Variants in COL13A1 observed in about 807,000 individuals in gnomAD.
COL13A1 encodes the protein collagen type XIII alpha 1 chain, also known as collagen alpha-1(XIII) chain.
In COL13A1, 89 loss-of-function variants were observed where a neutral mutation model predicts 130.9. The ratio of observed to expected loss-of-function variants is 0.68; its 90% confidence interval spans 0.57 to 0.81. The LOEUF (loss-of-function observed/expected upper bound fraction) is 0.81. Among genes scored for constraint, COL13A1 ranks in the 30% least tolerant of loss-of-function variants. The pLI, the probability that COL13A1 is intolerant of heterozygous loss-of-function variation, is 0.00. For synonymous variants in COL13A1, 402 were observed against 341.6 expected, an observed-to-expected ratio of 1.18 and a Z score of -1.95; for missense variants, 879 against 934.6, an observed-to-expected ratio of 0.94 and a Z score of 0.78.
At chr10:69,864,208 G>T (rs577592914) in intron 2 of COL13A1, among the ~76,000 whole-genome samples, 2 of 152,310 alleles carry the variant, frequency 1.3e-5, no homozygotes, top group East Asian at 3.9e-4. Context: ...TATGGAAGGG[G>T]TGATAATGCC....
intron 1 of COL13A1, among the ~76,000 whole-genome samples, chr10:69,804,802 T>G (rs1841031820): frequency 2.8e-5 from 2 of 71,350 alleles, no homozygotes; most frequent in Non-Finnish European, 2.6e-5. Context: ...AGTGACCATG[T>G]CGTGTGCAAA....
chr10:69,942,724 A>G (rs2136110581), intron 35 of COL13A1, among the ~76,000 whole-genome samples: 1 of 152,356 alleles, frequency 6.6e-6, no homozygotes, highest in Non-Finnish European at 1.5e-5. Context: ...CACACGTGGT[A>G]CAGACGGGGA....
At chr10:69,923,468 G>A (rs945984214) in intron 23 of COL13A1, among the ~76,000 whole-genome samples, 2 of 152,214 alleles carry the variant, frequency 1.3e-5, no homozygotes, top group Non-Finnish European at 2.9e-5. Context: ...CATCATCTGG[G>A]GCAATACACT....
intron 39 of COL13A1, among the ~76,000 whole-genome samples, chr10:69,954,508 C>A (rs958369826): frequency 5.3e-5 from 8 of 152,222 alleles, no homozygotes; most frequent in African/African-American, 1.9e-4. Flanking sequence ...GAATGAGATG[C>A]CTGATCAGCC....
chr10:69,878,610 T>C, intron 6 of COL13A1, among the ~76,000 whole-genome samples: 1 of 152,206 alleles, frequency 6.6e-6, no homozygotes, highest in African/African-American at 2.4e-5. Flanking sequence ...GCCTCCCAAG[T>C]AGCTGGGATT....
rs564013266 is a variant in COL13A1, at chr10:69,879,740, G to A, written c.463-763G>A. ...ACCTTGAACTTAGGGACACACACAC[G>A]CACACATGGCACTTGTCTAGCTAGC... On this transcript the variant is annotated intron_variant, in intron 6 of 40. Transcript: ENST00000645393. Among the ~76,000 whole-genome samples the A allele has an allele frequency of 2.6e-5, 4 of 152,202 alleles. No homozygotes were observed. In the East Asian group the frequency reaches 5.8e-4, roughly 22 times the overall value.
intron 2 of COL13A1, among the ~76,000 whole-genome samples, chr10:69,833,965 A>T (rs1302464887): frequency 6.6e-6 from 1 of 152,110 alleles, no homozygotes; most frequent in Non-Finnish European, 1.5e-5. Flanking sequence ...TCTCAGAGGG[A>T]TGTGATGTAT....
At chr10:69,897,537 T>C (rs2061770690) in intron 13 of COL13A1, 1 of 1,613,898 alleles carries the variant, frequency 6.2e-7, no homozygotes, top group East Asian at 2.2e-5. Flanking sequence ...TGAAGGTTTG[T>C]AGGTTCTGGA....
chr10:69,909,928 A>G (rs563256585), intron 17 of COL13A1, among the ~76,000 whole-genome samples: 3 of 152,350 alleles, frequency 2.0e-5, no homozygotes, highest in South Asian at 4.1e-4. Flanking sequence ...ACTTTGCCCA[A>G]GGTTGCACAG....
At chr10:69,919,000 T>C in intron 19 of COL13A1, 62 bp from the exon 20 acceptor site, 1 of 1,607,590 alleles carries the variant, frequency 6.2e-7, no homozygotes, top group South Asian at 1.1e-5. Flanking sequence ...CACCAACAGG[T>C]GCCTTGCTCA....
chr10:69,864,284 A>G (rs1352386107), intron 2 of COL13A1, among the ~76,000 whole-genome samples: 3 of 150,970 alleles, frequency 2.0e-5, no homozygotes, highest in Non-Finnish European at 2.9e-5. Flanking sequence ...CACTGTGTCT[A>G]TGTCTGCCGC....
At chr10:69,907,454 G>T (rs79308931) in intron 17 of COL13A1, among the ~76,000 whole-genome samples, 3 of 152,318 alleles carry the variant, frequency 2.0e-5, no homozygotes, top group African/African-American at 7.2e-5. Context: ...TCCCATGGTG[G>T]ACAGTGGAAG....
intron 2 of COL13A1, among the ~76,000 whole-genome samples, chr10:69,823,249 A>C (rs1312431806): frequency 6.6e-6 from 1 of 152,160 alleles, no homozygotes; most frequent in African/African-American, 2.4e-5. Flanking sequence ...GCTTATGAGA[A>C]ATTTTCTAGG....
intron 32 of COL13A1, among the ~76,000 whole-genome samples, chr10:69,935,747 G>A (rs575108475): frequency 6.9e-4 from 105 of 152,226 alleles, no homozygotes; most frequent in African/African-American, 2.2e-3. Flanking sequence ...GCTCACGCCC[G>A]TGATACCAAT....
chr10:69,847,693 G>C (rs1853534460), intron 2 of COL13A1, among the ~76,000 whole-genome samples: 1 of 152,230 alleles, frequency 6.6e-6, no homozygotes, highest in Admixed American at 6.5e-5. Context: ...TGGGAGGAAT[G>C]GCGTTTGCTG....
rs2067560328 is a variant in COL13A1, at chr10:69,941,040, C to T, written c.1914+17C>T. On this transcript the variant is annotated intron_variant, in intron 35 of 40. Transcript: ENST00000645393. ...GGGCCACCGGTGAGTGTCACTTCTC[C>T]ATCACCCCTCACCCCACTCCACTCC... The T allele has an allele frequency of 1.9e-6, 3 of 1,613,720 alleles. No individual in the cohort carries two copies. The highest frequency in any genetic ancestry group is 1.6e-4 in the Middle Eastern group (1 of 6,084).
At chr10:69,925,966 G>T in intron 26 of COL13A1, 94 bp downstream of exon 26, 1 of 1,079,786 alleles carries the variant, frequency 9.3e-7, no homozygotes. Context: ...AGCCGAGTAG[G>T]GGCCCTGCCC....
intron 34 of COL13A1, among the ~76,000 whole-genome samples, chr10:69,940,386 A>G (rs2067459372): frequency 6.6e-6 from 1 of 152,218 alleles, no homozygotes; most frequent in African/African-American, 2.4e-5. Flanking sequence ...AATGTCAGGC[A>G]TCATTTGTAA....
At chr10:69,943,846 C>A (rs897692586) in intron 35 of COL13A1, among the ~76,000 whole-genome samples, 1 of 152,228 alleles carries the variant, frequency 6.6e-6, no homozygotes, top group Non-Finnish European at 1.5e-5. Context: ...ACTAAGCAAC[C>A]ATTCTCCCAT....
Sources: allele counts gnomAD v4.1 joint callset (sites outside exome capture counted in the v4.1 genomes callset), GRCh38; gene constraint gnomAD v4.1.1; transcripts MANE v1.5; gene names NCBI Gene and HGNC (gene_info 2026-07-23, HGNC 2026-07-21).